The following ANKUB1 variants were observed in gnomAD, a reference collection of about 807,000 sequenced individuals.
The protein encoded by ANKUB1 is ankyrin repeat and ubiquitin domain containing 1.
A neutral mutation model predicts 49.3 loss-of-function variants in ANKUB1; 42 were observed. The observed-to-expected ratio is 0.85, with a 90% CI of 0.67 to 1.10. ANKUB1 has a LOEUF of 1.10. ANKUB1 is among the 50% of genes least tolerant of loss of function. ANKUB1 has a pLI of 0.00. For missense variants in ANKUB1, 613 were observed against 642.0 expected (o/e 0.95, Z 0.49); for synonymous variants, 222 against 231.0 (o/e 0.96, Z 0.35).
At chr3:149,778,834 G>A (rs1292244394) in intron 3 of ANKUB1, 1 of 152,156 alleles carries the variant, frequency 6.6e-6, no homozygotes, top group Non-Finnish European at 1.5e-5. Context: ...TGCAAATTTA[G>A]CAGTTATATA....
In ANKUB1 at chr3:149,767,204, A is replaced by G; in HGVS notation, c.1458T>C (p.Ser486=). 1.3e-6 allele frequency: 2 copies of G among 1,548,716 alleles called. No individual in the cohort carries two copies. Among genetic ancestry groups the G allele is most frequent in the Non-Finnish European group, 8.7e-7 (1 of 1,146,172 alleles). The stretch of plus-strand genomic sequence containing the variant: ...TTGCGTTCTCCCATGGAGTCTTCCC[A>G]CTGTGCTCTAAGAAAGATGAGAAGG... The part of the protein sequence containing the change: ...KSSFSSFLEH[S]GKTPWENAIY... Residue 486 remains serine (S), a synonymous_variant, in exon 5 of 6, where the codon AGT becomes AGC. Transcript: ENST00000446160.
chr3:149,788,266 T>C (rs1370969228), intron 2 of ANKUB1, among the ~76,000 whole-genome samples: 1 of 152,222 alleles, frequency 6.6e-6, no homozygotes, highest in Admixed American at 6.5e-5. Context: ...CTAAATGTGA[T>C]TCTACCTGAC....
intron 3 of ANKUB1, among the ~76,000 whole-genome samples, chr3:149,776,136 C>G (rs1717584733): frequency 6.6e-6 from 1 of 152,190 alleles, no homozygotes; most frequent in Non-Finnish European, 1.5e-5. Context: ...TCTCTCTAAG[C>G]CCACCAAAGA....
intron 2 of ANKUB1, among the ~76,000 whole-genome samples, chr3:149,784,135 A>T (rs1717983557): frequency 6.6e-6 from 1 of 152,186 alleles, no homozygotes; most frequent in African/African-American, 2.4e-5. Context: ...ACTCAATGGT[A>T]CTACAGTTAA....
Position 149,767,634 on chromosome 3 carries a change from A to G in ANKUB1, c.1028T>C (p.Val343Ala). 2 of 1,551,640 alleles carry G rather than the reference A, an allele frequency of 1.3e-6. No homozygotes were observed. The highest frequency in any genetic ancestry group is 1.7e-6 in the Non-Finnish European group (2 of 1,146,990). ...ACCATCCACCATCACAGTGTCTCCA[A>G]CTTTTGCCCCAAAGACCCTTGCTCC... ...FCGARVFGAKVGDTVMVDGFT... is the reference protein window; with the variant it reads ...FCGARVFGAKAGDTVMVDGFT... The change falls in exon 5 of 6, where the codon GTT (valine) becomes GCT (alanine). Residue 343 changes from valine to alanine, a missense_variant. Physicochemically the swap from Val to Ala is moderately conservative, Grantham distance 64. Transcript: ENST00000446160.
intron 3 of ANKUB1, among the ~76,000 whole-genome samples, chr3:149,776,929 G>C (rs1296099590): frequency 4.6e-5 from 7 of 151,904 alleles, no homozygotes; most frequent in African/African-American, 1.2e-4. Context: ...GTAAGCTGAG[G>C]TTGTGCCACT....
In ANKUB1 at chr3:149,770,735, A is replaced by T. The variant is rs1016388421; in HGVS notation, c.452-61T>A. ...CAGCAGTGTGGTTTGACAATCCATA[A>T]AACTTCTAATGGTAGCTTTCCCCAA... On this transcript the variant is annotated intron_variant, in intron 3 of 5. Coordinates refer to ENST00000446160, the MANE Select transcript of ANKUB1 (RefSeq NM_001144960.3). 10 of 1,026,900 alleles carry T rather than the reference A, an allele frequency of 9.7e-6. No individual in the cohort carries two copies. The Admixed American group carries it at 1.8e-4, about 19-fold the overall frequency. 63.6% of individuals were successfully genotyped at this position (1,026,900 alleles called of 1,614,324 possible).
At chr3:149,790,285 C>T (rs1461293846) in intron 2 of ANKUB1, among the ~76,000 whole-genome samples, 1 of 152,010 alleles carries the variant, frequency 6.6e-6, no homozygotes, top group Non-Finnish European at 1.5e-5. Flanking sequence ...GATTAAGGAC[C>T]CTCTATAAAT....
chr3:149,786,930 A>G (rs1021549231), intron 2 of ANKUB1, among the ~76,000 whole-genome samples: 1 of 152,152 alleles, frequency 6.6e-6, no homozygotes. Flanking sequence ...CCATTGGTCT[A>G]TATATCTGTT....
At chr3:149,781,279 T>A (rs1717856522) in intron 2 of ANKUB1, among the ~76,000 whole-genome samples, 1 of 152,222 alleles carries the variant, frequency 6.6e-6, no homozygotes, top group Non-Finnish European at 1.5e-5. Flanking sequence ...TTAATACTTC[T>A]GTTAACAACA....
chr3:149,791,062 G>T, intron 1 of ANKUB1, 138 bp from the exon 2 acceptor site: 1 of 780,036 alleles, frequency 1.3e-6, no homozygotes, highest in Admixed American at 3.6e-5. Context: ...TTAAATAGGG[G>T]TTCTTAACTT....
At position 149,784,088 on chromosome 3, in the gene ANKUB1, A is replaced by G. The variant is rs1283825011; in HGVS notation, c.235-3633T>C. Among the ~76,000 whole-genome samples the G allele has an allele frequency of 2.6e-5, 4 of 152,324 alleles. No homozygotes were observed. The East Asian group carries it at 7.7e-4, about 29-fold the overall frequency. On this transcript the variant is annotated intron_variant, in intron 2 of 5. Coordinates refer to ENST00000446160, the MANE Select transcript of ANKUB1 (RefSeq NM_001144960.3). ...TTGAATCAAATTTAGACTTGTCAAG[A>G]TAGTACAAACTTCTCTAACTTATCT... is the stretch of plus-strand genomic sequence containing the variant.
At chr3:149,788,667 T>G (rs2108282162) in intron 2 of ANKUB1, among the ~76,000 whole-genome samples, 1 of 152,306 alleles carries the variant, frequency 6.6e-6, no homozygotes. Flanking sequence ...ATATGATGCT[T>G]TATTGGCAGA....
At chr3:149,777,010 T>C (rs61120028) in intron 3 of ANKUB1, among the ~76,000 whole-genome samples, 56 of 152,114 alleles carry the variant, frequency 3.7e-4, no homozygotes, top group African/African-American at 1.3e-3. Flanking sequence ...TGATGTTCTG[T>C]CCTGTTCTGC....
intron 5 of ANKUB1, chr3:149,766,727 A>G: frequency 1.3e-6 from 1 of 757,118 alleles, no homozygotes. Flanking sequence ...GAGCCTAGGA[A>G]TTCAAGAATG....
At chr3:149,761,962 A>G (rs1027441835) in intron 5 of ANKUB1, among the ~76,000 whole-genome samples, 4 of 152,142 alleles carry the variant, frequency 2.6e-5, no homozygotes, top group Non-Finnish European at 4.4e-5. Context: ...TTCTACCCCT[A>G]CGAACACACA....
At chr3:149,785,991 T>G (rs1462981604) in intron 2 of ANKUB1, among the ~76,000 whole-genome samples, 1 of 151,966 alleles carries the variant, frequency 6.6e-6, no homozygotes, top group Non-Finnish European at 1.5e-5. Context: ...TGGTTTTGAT[T>G]TGCATTTCTC....
rs573938682 is a variant in ANKUB1, at chr3:149,767,921, G to A, written c.741C>T (p.Ala247=). The change falls in exon 5 of 6, where the codon GCC becomes GCT. Residue 247 remains alanine, a synonymous_variant. Transcript: ENST00000446160. The stretch of plus-strand genomic sequence containing the variant: ...GAATCAACAGTTGGCCTGCTTCTGC[G>A]GCTGCATGAATGGGGCATTTAGAGA... ...ADVSKCPIHA[A]AEAGQLLILK... is the part of the protein sequence containing the mutation. The A allele has an allele frequency of 1.4e-5, 21 of 1,550,216 alleles. No individual in the cohort carries two copies. The highest frequency in any genetic ancestry group is 4.9e-5 in the East Asian group (2 of 40,882).
At chr3:149,765,593 G>A (rs1716978761) in intron 5 of ANKUB1, among the ~76,000 whole-genome samples, 1 of 151,856 alleles carries the variant, frequency 6.6e-6, no homozygotes, top group Non-Finnish European at 1.5e-5. Flanking sequence ...GCTTTTTCAT[G>A]CACATTTCCA....
Sources: allele counts gnomAD v4.1 joint callset (sites outside exome capture counted in the v4.1 genomes callset), GRCh38; gene constraint gnomAD v4.1.1; transcripts MANE v1.5; gene names NCBI Gene and HGNC (gene_info 2026-07-23, HGNC 2026-07-21).